The following POU2AF2 variants were observed in gnomAD, a reference collection of about 807,000 sequenced individuals.
The protein encoded by POU2AF2 is POU class 2 homeobox associating factor 2, also known as POU domain class 2-associating factor 2.
the POU2AF2 span, among the ~76,000 whole-genome samples, chr11:111,250,004 A>G: frequency 0.01 from 1,558 of 152,246 alleles, 23 homozygotes; most frequent in African/African-American, 0.036. Flanking sequence ...TTAGATGTAC[A>G]GTTTTTACCA....
the POU2AF2 span, among the ~76,000 whole-genome samples, chr11:111,256,828 A>G: frequency 6.6e-6 from 1 of 152,156 alleles, no homozygotes; most frequent in African/African-American, 2.4e-5. Flanking sequence ...AATAATACTC[A>G]CCTTCATCCA....
the POU2AF2 span, among the ~76,000 whole-genome samples, chr11:111,251,860 G>C: frequency 6.6e-6 from 1 of 152,230 alleles, no homozygotes; most frequent in South Asian, 2.1e-4. Context: ...CACTAAGTCA[G>C]TGCCAACTGG....
At chr11:111,260,901 T>C in the POU2AF2 span, among the ~76,000 whole-genome samples, 1 of 152,260 alleles carries the variant, frequency 6.6e-6, no homozygotes, top group Admixed American at 6.5e-5. Context: ...ATTGCTGCTC[T>C]TTTATTTGTG....
chr11:111,245,890 T>A, the POU2AF2 span: 1 of 398,838 alleles, frequency 2.5e-6, no homozygotes, highest in East Asian at 3.6e-5. Flanking sequence ...TATTATAATT[T>A]AAAAAAACTT....
the POU2AF2 span, among the ~76,000 whole-genome samples, chr11:111,282,085 G>T: frequency 1.3e-5 from 2 of 151,924 alleles, no homozygotes; most frequent in African/African-American, 4.8e-5. Context: ...AAATTTGGTG[G>T]CATCTCCTGC....
the POU2AF2 span, among the ~76,000 whole-genome samples, chr11:111,249,320 AAAG>A: frequency 1.3e-5 from 2 of 152,268 alleles, no homozygotes; most frequent in South Asian, 2.1e-4. Context: ...TCTCCAAAAA[AAAG>A]AAGGTGGGAG....
chr11:111,285,563 G>C, the POU2AF2 span: 3 of 1,422,268 alleles, frequency 2.1e-6, no homozygotes, highest in African/African-American at 4.4e-5. Context: ...GGGGACGAAG[G>C]CTGCCCTGAA....
the POU2AF2 span, among the ~76,000 whole-genome samples, chr11:111,258,244 C>T: frequency 1.3e-5 from 2 of 152,194 alleles, no homozygotes; most frequent in African/African-American, 4.8e-5. Context: ...ACGCGGGTTG[C>T]TTGACCACAG....
At chr11:111,285,904 C>T in the POU2AF2 span, 1 of 1,613,844 alleles carries the variant, frequency 6.2e-7, no homozygotes, top group Non-Finnish European at 8.5e-7. Flanking sequence ...TCACCCCTTT[C>T]ATGACGGTGT....
the POU2AF2 span, among the ~76,000 whole-genome samples, chr11:111,277,263 G>A: frequency 1.3e-5 from 2 of 152,210 alleles, no homozygotes; most frequent in African/African-American, 4.8e-5. Context: ...GGAGACAAGA[G>A]TACAAAAAGC....
chr11:111,264,760 A>G, the POU2AF2 span, among the ~76,000 whole-genome samples: 1 of 146,832 alleles, frequency 6.8e-6, no homozygotes. Flanking sequence ...GAGGGAAGAG[A>G]CAGGAAGGAA....
the POU2AF2 span, among the ~76,000 whole-genome samples, chr11:111,269,105 T>C: frequency 6.6e-6 from 1 of 152,118 alleles, no homozygotes; most frequent in African/African-American, 2.4e-5. Context: ...TGGGAACATC[T>C]CCCTATACCT....
At chr11:111,264,633 G>A in the POU2AF2 span, among the ~76,000 whole-genome samples, 2 of 31,732 alleles carry the variant, frequency 6.3e-5, 1 homozygote, top group Non-Finnish European at 1.5e-4. Context: ...AAGAAAGAAA[G>A]AGAAAGAAAG....
chr11:111,261,435 A>G, the POU2AF2 span, among the ~76,000 whole-genome samples: 1 of 152,224 alleles, frequency 6.6e-6, no homozygotes. Flanking sequence ...CAATAAACCT[A>G]ATAGTCACAA....
chr11:111,285,785 AG>A, the POU2AF2 span: 1 of 1,611,162 alleles, frequency 6.2e-7, no homozygotes, highest in Non-Finnish European at 8.5e-7. Context: ...CGCCCAGCAC[AG>A]GGGCTCAAGC....
chr11:111,260,545 G>T, the POU2AF2 span, among the ~76,000 whole-genome samples: 1 of 152,138 alleles, frequency 6.6e-6, no homozygotes, highest in Non-Finnish European at 1.5e-5. Context: ...ACACACCGGG[G>T]AGAAGATACA....
chr11:111,284,283 C>T, the POU2AF2 span: 9 of 1,613,852 alleles, frequency 5.6e-6, 1 homozygote, highest in Non-Finnish European at 7.6e-6. Context: ...CGGCCTCCGG[C>T]GCTGACGCCC....
the POU2AF2 span, among the ~76,000 whole-genome samples, chr11:111,250,271 A>G: frequency 6.6e-6 from 1 of 151,858 alleles, no homozygotes; most frequent in African/African-American, 2.4e-5. Context: ...CCTCTGTTTT[A>G]CCATTTCCCA....
the POU2AF2 span, among the ~76,000 whole-genome samples, chr11:111,276,453 A>AAAAATATATATATAT: frequency 3.2e-3 from 120 of 37,446 alleles, no homozygotes; most frequent in Non-Finnish European, 4.8e-3. Context: ...AAAAAAAAAA[A>AAAAATATATATATAT]ATATATATAT....
Sources: allele counts gnomAD v4.1 joint callset (sites outside exome capture counted in the v4.1 genomes callset), GRCh38; gene constraint gnomAD v4.1.1; transcripts MANE v1.5; gene names NCBI Gene and HGNC (gene_info 2026-07-23, HGNC 2026-07-21).